The following FKBP14 variants were observed in gnomAD, a reference collection of about 807,000 sequenced individuals.
FKBP14 encodes peptidyl-prolyl cis-trans isomerase FKBP14.
FKBP14 carries 20 observed loss-of-function variants against 21.6 expected under a neutral mutation model. That is an observed-to-expected ratio of 0.92 (90% CI 0.65 to 1.34). The LOEUF is 1.34. Ranked by LOEUF, FKBP14 falls within the 40% of genes most tolerant of loss-of-function variation. The probability of loss-of-function intolerance (pLI) is 0.00; values close to 1 mark genes in which losing one functional copy is unlikely to be tolerated. For synonymous variants in FKBP14, 79 were observed against 86.7 expected (o/e 0.91, Z 0.49); for missense variants, 253 against 249.0 (o/e 1.02, Z -0.11).
intron 1 of FKBP14, among the ~76,000 whole-genome samples, chr7:30,023,651 G>C (rs917438975): frequency 6.6e-6 from 1 of 152,190 alleles, no homozygotes; most frequent in African/African-American, 2.4e-5. Flanking sequence ...AAGAAAAGGA[G>C]GTTTAATGGA....
downstream of FKBP14, among the ~76,000 whole-genome samples, chr7:30,008,733 T>G (rs1178554105): frequency 2.2e-4 from 33 of 147,804 alleles, no homozygotes; most frequent in South Asian, 4.3e-4. Context: ...TCCCAGCACT[T>G]TGGGAGGCCA....
chr7:30,022,081 G>A (rs1419405712), intron 2 of FKBP14, among the ~76,000 whole-genome samples: 2 of 152,002 alleles, frequency 1.3e-5, no homozygotes, highest in Non-Finnish European at 2.9e-5. Context: ...ATTTAAAAAC[G>A]GGAATGAAAA....
At position 30,011,409 on chromosome 7, in the gene FKBP14, T is replaced by C. The variant is rs1789721576; in HGVS notation, c.*3326A>G. ...ACGGTGTTTATAAAGTCTACAGTAG[T>C]GTACAGTAATGTCCTAGGCCTTTAC... On this transcript the variant is annotated 3_prime_UTR_variant, in exon 4 of 4. Transcript: ENST00000222803. 1.3e-5 allele frequency: 2 copies of C among 151,356 alleles called. No individual in the cohort carries two copies. Among genetic ancestry groups the C allele is most frequent in the Non-Finnish European group, 2.9e-5 (2 of 67,878 alleles). The allele number at this position is 151,356 out of a possible 1,614,324, so 9.4% of individuals were successfully genotyped here. A position where few individuals can be genotyped will look rare whatever the true frequency, so the allele number is the denominator to read the frequency against.
rs1023004041 is a variant in FKBP14, at chr7:30,012,306, C to A, written c.*2429G>T. ...CCAAATGTTTAGATGAGAACTGATA[C>A]AAATTCACAGGTTTTTAAAAATGCT... On this transcript the variant is annotated 3_prime_UTR_variant, in exon 4 of 4. Transcript: ENST00000222803. 1.3e-4 allele frequency: 20 copies of A among 152,196 alleles called. No individual in the cohort carries two copies. The highest frequency in any genetic ancestry group is 4.1e-4 in the African/African-American group (17 of 41,456). 9.4% of individuals were successfully genotyped at this position (152,196 alleles called of 1,614,324 possible). A position where few individuals can be genotyped will look rare whatever the true frequency, so the allele number is the denominator to read the frequency against.
At chr7:30,021,426 G>A (rs1430356521) in intron 2 of FKBP14, among the ~76,000 whole-genome samples, 1 of 151,956 alleles carries the variant, frequency 6.6e-6, no homozygotes, top group Non-Finnish European at 1.5e-5. Context: ...TACCACTTAC[G>A]ACAGTTCCAA....
intron 2 of FKBP14, among the ~76,000 whole-genome samples, chr7:30,022,230 TTCTC>T (rs1435378830): frequency 6.6e-6 from 1 of 152,218 alleles, no homozygotes; most frequent in Non-Finnish European, 1.5e-5. Context: ...TAATGGATCT[TTCTC>T]TCTGCATTGT....
At chr7:30,022,611 A>G (rs1790064452) in intron 2 of FKBP14, 54 bp downstream of exon 2, 3 of 1,544,570 alleles carry the variant, frequency 1.9e-6, no homozygotes, top group African/African-American at 2.8e-5. Flanking sequence ...TCTGTCTCCT[A>G]ATCCAGAGAA....
intron 3 of FKBP14, among the ~76,000 whole-genome samples, chr7:30,016,582 C>T (rs1020644806): frequency 6.6e-6 from 1 of 151,560 alleles, no homozygotes; most frequent in Non-Finnish European, 1.5e-5. Context: ...TTAGTAGAGA[C>T]AGGGTTTCAC....
At chr7:30,022,613 T>C in intron 2 of FKBP14, 52 bp downstream of exon 2, 3 of 1,546,788 alleles carry the variant, frequency 1.9e-6, no homozygotes, top group Non-Finnish European at 2.6e-6. Context: ...TGTCTCCTAA[T>C]CCAGAGAACA....
rs913122318 is a variant in FKBP14, at chr7:30,014,725, A to G, written c.*10T>C. The G allele has an allele frequency of 1.3e-6, 2 of 1,544,022 alleles. No homozygotes were observed. Among genetic ancestry groups the G allele is most frequent in the Non-Finnish European group, 1.7e-6 (2 of 1,148,126 alleles). On this transcript the variant is annotated 3_prime_UTR_variant, in exon 4 of 4. Transcript: ENST00000222803. The stretch of plus-strand genomic sequence containing the variant: ...AAGATGAGTGCTATATTAAAAGGGT[A>G]GATGTATCTCTATAACTCATCGTGT...
chr7:30,006,116 C>CTT (rs67895228), downstream of FKBP14, among the ~76,000 whole-genome samples: 7 of 110,318 alleles, frequency 6.3e-5, no homozygotes, highest in South Asian at 3.3e-4. Flanking sequence ...TTAGGATAGT[C>CTT]TTTTTTTTTT....
downstream of FKBP14, among the ~76,000 whole-genome samples, chr7:30,007,681 A>G (rs1789641541): frequency 6.6e-6 from 1 of 152,216 alleles, no homozygotes; most frequent in Non-Finnish European, 1.5e-5. Context: ...AGGGCAGGGA[A>G]GTAGTGAAGT....
rs909404986 is a variant in FKBP14, at chr7:30,011,602, ATATATATATT to A, written c.*3123_*3132del. On this transcript the variant is annotated 3_prime_UTR_variant, in exon 4 of 4. Transcript: ENST00000222803. ...ATATATATATATATAGTATATATAT[ATATATATATT>A]TTTTTTTTTAGATGGGGAGTCACTC... 2.3e-5 allele frequency: 3 copies of A among 129,656 alleles called. No individual in the cohort carries two copies. The highest frequency in any genetic ancestry group is 8.6e-5 in the African/African-American group (3 of 34,850). 8.0% of individuals were successfully genotyped at this position (129,656 alleles called of 1,614,324 possible).
intron 2 of FKBP14, among the ~76,000 whole-genome samples, chr7:30,019,915 G>T (rs1789986927): frequency 6.6e-6 from 1 of 151,984 alleles, no homozygotes; most frequent in African/African-American, 2.4e-5. Flanking sequence ...ACATTTCATG[G>T]GAGGGGAGAA....
intron 2 of FKBP14, chr7:30,020,380 T>G: frequency 1.5e-6 from 1 of 676,744 alleles, no homozygotes; most frequent in Non-Finnish European, 2.3e-6. Flanking sequence ...GACTCAAATT[T>G]AGATCTCTAC....
In FKBP14 at chr7:30,019,435, T is replaced by C. The variant is rs532522082; in HGVS notation, c.350-312A>G. Among the ~76,000 whole-genome samples the C allele has an allele frequency of 6.2e-4, 94 of 152,204 alleles. No homozygotes were observed. In the South Asian group the frequency reaches 0.015, roughly 24 times the overall value. On this transcript the variant is annotated intron_variant, in intron 2 of 3. Transcript: ENST00000222803. ...CTTAGGTATTACATTTCTAATATAA[T>C]TAATATATTACATATTATATGTCAA...
intron 3 of FKBP14, among the ~76,000 whole-genome samples, chr7:30,016,591 A>G (rs1308119841): frequency 6.6e-6 from 1 of 151,936 alleles, no homozygotes; most frequent in East Asian, 1.9e-4. Context: ...ACAGGGTTTC[A>G]CCAAGTTGGC....
rs1457414939 is a variant in FKBP14 at position 30,010,590 on chromosome 7, T to C, written c.*4145A>G. The C allele has an allele frequency of 6.6e-6, 1 of 152,168 alleles. No individual in the cohort carries two copies. Among genetic ancestry groups the C allele is most frequent in the Admixed American group, 6.6e-5 (1 of 15,262 alleles). 9.4% of individuals were successfully genotyped at this position (152,168 alleles called of 1,614,324 possible). ...GAAGAATTTTTCACAAAATCAGTTA[T>C]CTCCCAAATAAACTTTATTTTGAAA... On this transcript the variant is annotated 3_prime_UTR_variant, in exon 4 of 4. Transcript: ENST00000222803.
intron 1 of FKBP14, among the ~76,000 whole-genome samples, chr7:30,023,307 A>T (rs1038059177): frequency 6.6e-5 from 10 of 152,356 alleles, no homozygotes; most frequent in Non-Finnish European, 1.0e-4. Flanking sequence ...AATAATGGAA[A>T]AATGGCTGAG....
Sources: gnomAD v4.1 joint callset for allele counts (sites outside exome capture counted in the v4.1 genomes callset) on GRCh38, gnomAD v4.1.1 for gene constraint, MANE v1.5 for transcripts, NCBI Gene and HGNC (gene_info 2026-07-23, HGNC 2026-07-21) for gene names.